The following MAMDC2 variants were observed in gnomAD, a reference collection of about 807,000 sequenced individuals.
MAMDC2 encodes MAM domain-containing protein 2.
MAMDC2 carries 57 observed loss-of-function variants against 89.8 expected under a neutral mutation model. The ratio of observed to expected loss-of-function variants is 0.63; its 90% CI spans 0.51 to 0.79. The LOEUF is 0.79. MAMDC2 is among the 30% of genes least tolerant of loss of function. MAMDC2 has a pLI of 0.00. For synonymous variants in MAMDC2, 313 were observed against 293.4 expected (o/e 1.07, Z -0.68); for missense variants, 800 against 820.6 (o/e 0.97, Z 0.31).
At chr9:70,109,940 CT>C in intron 4 of MAMDC2, 136 bp downstream of exon 4, 1 of 710,330 alleles carries the variant, frequency 1.4e-6, no homozygotes, top group Non-Finnish European at 2.5e-6. Context: ...GGTTTAAATT[CT>C]TTGCTAGATT....
chr9:70,133,197 G>A (rs1012074976), intron 7 of MAMDC2, among the ~76,000 whole-genome samples: 1 of 152,032 alleles, frequency 6.6e-6, no homozygotes, highest in Admixed American at 6.6e-5. Flanking sequence ...CCCTTGTTTT[G>A]TCTATGGTAG....
chr9:70,130,043 TGTGA>T (rs1335767718), intron 6 of MAMDC2, among the ~76,000 whole-genome samples: 1 of 136,422 alleles, frequency 7.3e-6, no homozygotes, highest in Non-Finnish European at 1.6e-5. Context: ...TGTGTGTGTG[TGTGA>T]GAGTGTCTGC....
At chr9:70,198,181 TAC>T (rs3071637) in intron 11 of MAMDC2, among the ~76,000 whole-genome samples, 116 of 145,072 alleles carry the variant, frequency 8.0e-4, no homozygotes, top group South Asian at 1.7e-3. Context: ...TATATATATA[TAC>T]ACACACACAC....
chr9:70,186,096 C>T (rs555572208), intron 11 of MAMDC2, among the ~76,000 whole-genome samples: 3 of 151,068 alleles, frequency 2.0e-5, no homozygotes, highest in East Asian at 4.0e-4. Flanking sequence ...ACTAACATTA[C>T]GATAGTTGTA....
chr9:70,059,317 A>T (rs1308205729), intron 2 of MAMDC2, among the ~76,000 whole-genome samples: 12 of 152,192 alleles, frequency 7.9e-5, no homozygotes, highest in Non-Finnish European at 1.6e-4. Flanking sequence ...AATTCTTACA[A>T]CCCAGTGACG....
At chr9:70,207,946 G>A (rs990913181) in intron 11 of MAMDC2, among the ~76,000 whole-genome samples, 3 of 152,008 alleles carry the variant, frequency 2.0e-5, no homozygotes, top group Non-Finnish European at 4.4e-5. Context: ...GGTTGTAGAT[G>A]TGTGGTATTA....
chr9:70,044,332 C>A, intron 1 of MAMDC2, 101 bp downstream of exon 1: 1 of 1,307,986 alleles, frequency 7.6e-7, no homozygotes, highest in Non-Finnish European at 1.1e-6. Context: ...GCTGGGCCAT[C>A]CGAGGGCGCC....
Position 70,075,841 on chromosome 9 carries a change from T to G in MAMDC2, c.148+31144T>G, listed in dbSNP as rs534332613. Among the ~76,000 whole-genome samples, 3 of 152,350 alleles carry G rather than the reference T, an allele frequency of 2.0e-5. No individual in the cohort carries two copies. The East Asian group carries it at 5.8e-4, about 29-fold the overall frequency. Reference sequence around the variant, plus strand: ...GACCAGGATGAGCCCATCCATGTAGTGGCACACTGTGCTGCTGTCTGGAAG... The same window carrying G: ...GACCAGGATGAGCCCATCCATGTAGGGGCACACTGTGCTGCTGTCTGGAAG... On this transcript the variant is annotated intron_variant, in intron 2 of 13. Coordinates refer to ENST00000377182, the MANE Select transcript of MAMDC2 (RefSeq NM_153267.5).
chr9:70,079,454 TG>T (rs1827606979), intron 2 of MAMDC2: 1 of 152,178 alleles, frequency 6.6e-6, no homozygotes, highest in African/African-American at 2.4e-5. Flanking sequence ...CAGAGCACCA[TG>T]AGTATAAACA....
At chr9:70,197,808 T>A (rs990657417) in intron 11 of MAMDC2, among the ~76,000 whole-genome samples, 1 of 152,096 alleles carries the variant, frequency 6.6e-6, no homozygotes, top group Non-Finnish European at 1.5e-5. Context: ...GCCATCCACA[T>A]CGTCATAGCT....
At chr9:70,221,278 C>A (rs1405197696) in intron 12 of MAMDC2, among the ~76,000 whole-genome samples, 1 of 144,878 alleles carries the variant, frequency 6.9e-6, no homozygotes, top group East Asian at 2.0e-4. Context: ...TTGCCTGAGG[C>A]CAGGAGTTTG....
chr9:70,105,313 C>T (rs3015205), intron 2 of MAMDC2, among the ~76,000 whole-genome samples: 10 of 152,058 alleles, frequency 6.6e-5, no homozygotes, highest in Admixed American at 2.0e-4. Flanking sequence ...TGGTTACATG[C>T]AGCACTATGT....
intron 11 of MAMDC2, among the ~76,000 whole-genome samples, chr9:70,179,543 A>T (rs1031366823): frequency 1.3e-5 from 2 of 150,768 alleles, no homozygotes; most frequent in African/African-American, 4.9e-5. Context: ...AAATAAATAA[A>T]TAAATAAAAA....
rs564741022 is a variant in MAMDC2, at chr9:70,192,993, A to G, written c.1651+22362A>G. On this transcript the variant is annotated intron_variant, in intron 11 of 13. Transcript: ENST00000377182. ...AGGATGATGGAGGATGAGGACCCTT[A>G]CATTGAGGGTGATCAGATATTGAGG... is the stretch of plus-strand genomic sequence containing the variant. 1.2e-4 allele frequency among the ~76,000 whole-genome samples: 19 copies of G among 152,176 alleles called. No homozygotes were observed. In the East Asian group the frequency reaches 3.7e-3, roughly 29 times the overall value.
chr9:70,122,888 G>A (rs1200004829), intron 5 of MAMDC2, among the ~76,000 whole-genome samples: 2 of 152,148 alleles, frequency 1.3e-5, no homozygotes, highest in South Asian at 2.1e-4. Context: ...GCCGATGGGA[G>A]CTGCTGAAGG....
chr9:70,175,202 A>G (rs1346315207), intron 11 of MAMDC2, among the ~76,000 whole-genome samples: 1 of 152,228 alleles, frequency 6.6e-6, no homozygotes, highest in Non-Finnish European at 1.5e-5. Context: ...GCTACTGCAC[A>G]TAACCCAGGT....
At chr9:70,191,361 T>A (rs1203481240) in intron 11 of MAMDC2, among the ~76,000 whole-genome samples, 1 of 151,464 alleles carries the variant, frequency 6.6e-6, no homozygotes, top group African/African-American at 2.4e-5. Context: ...TTATCTATTT[T>A]TTTAAACATA....
Position 70,068,623 on chromosome 9 carries a change from A to G in MAMDC2, c.148+23926A>G, listed in dbSNP as rs1376563628. On this transcript the variant is annotated intron_variant, in intron 2 of 13. Coordinates refer to ENST00000377182, the MANE Select transcript of MAMDC2 (RefSeq NM_153267.5). ...GCACCTGTAATCCTAGCTACTCGGG[A>G]GGCTGAGGCAGGAGAATTGCTTGAA... 5.4e-5 allele frequency among the ~76,000 whole-genome samples: 8 copies of G among 148,502 alleles called. No homozygotes were observed. In the Admixed American group the frequency reaches 5.4e-4, roughly 10 times the overall value.
intron 12 of MAMDC2, among the ~76,000 whole-genome samples, chr9:70,219,208 A>G (rs1383301378): frequency 6.6e-6 from 1 of 152,180 alleles, no homozygotes; most frequent in Non-Finnish European, 1.5e-5. Flanking sequence ...ACACCCTTTT[A>G]AATTCTAGTA....
Sources: gnomAD v4.1 joint callset for allele counts (sites outside exome capture counted in the v4.1 genomes callset) on GRCh38, gnomAD v4.1.1 for gene constraint, MANE v1.5 for transcripts, NCBI Gene and HGNC (gene_info 2026-07-23, HGNC 2026-07-21) for gene names.